The following SAMSN1 variants were observed in gnomAD, a reference collection of about 807,000 sequenced individuals.
SAMSN1 encodes SAM domain-containing protein SAMSN-1.
A neutral mutation model predicts 42.0 loss-of-function variants in SAMSN1; 31 were observed. The ratio of observed to expected loss-of-function variants is 0.74; its 90% CI spans 0.55 to 1.00. The LOEUF (loss-of-function observed/expected upper bound fraction) is 1.00, where lower values mean the gene tolerates loss of function less well. Ranked by LOEUF, SAMSN1 falls within the 50% of genes least tolerant of loss-of-function variation. The pLI is 0.00. For synonymous variants in SAMSN1, 178 were observed against 151.9 expected, an observed-to-expected ratio of 1.17 and a Z score of -1.26; for missense variants, 464 against 439.4, an observed-to-expected ratio of 1.06 and a Z score of -0.50.
chr21:14,555,035 T>A (rs182149295), intron 2 of SAMSN1, among the ~76,000 whole-genome samples: 1 of 152,268 alleles, frequency 6.6e-6, no homozygotes, highest in East Asian at 1.9e-4. Flanking sequence ...AAATGACAGT[T>A]TCTGGAGTTC....
At chr21:14,536,669 A>G (rs1979642674) in intron 1 of SAMSN1, among the ~76,000 whole-genome samples, 1 of 152,118 alleles carries the variant, frequency 6.6e-6, no homozygotes, top group Non-Finnish European at 1.5e-5. Context: ...ATCCAATGGA[A>G]AATTATATGT....
chr21:14,582,362 A>G, exon 2 of SAMSN1: 17 of 1,549,992 alleles, frequency 1.1e-5, no homozygotes, highest in Non-Finnish European at 1.5e-5. Flanking sequence ...GGATCTACCC[A>G]GTGATGCAGA....
chr21:14,658,530 T>A (rs893783927), intron 1 of SAMSN1, among the ~76,000 whole-genome samples: 1 of 151,952 alleles, frequency 6.6e-6, no homozygotes, highest in African/African-American at 2.4e-5. Context: ...TAATAGTAAT[T>A]GTTGCAGAAC....
upstream of SAMSN1, among the ~76,000 whole-genome samples, chr21:14,546,528 G>C (rs976568699): frequency 2.0e-5 from 3 of 151,798 alleles, no homozygotes; most frequent in Admixed American, 1.3e-4. Flanking sequence ...GCAGTTATGA[G>C]AGCCATAAGG....
intron 5 of SAMSN1, among the ~76,000 whole-genome samples, chr21:14,503,428 C>G (rs980924645): frequency 6.6e-6 from 1 of 152,138 alleles, no homozygotes; most frequent in African/African-American, 2.4e-5. Context: ...CCAGTGAACT[C>G]AGAAGAGAAC....
chr21:14,523,728 G>C (rs9984947), intron 1 of SAMSN1, among the ~76,000 whole-genome samples: 1 of 152,052 alleles, frequency 6.6e-6, no homozygotes, highest in Non-Finnish European at 1.5e-5. Context: ...GTAAGGGTGC[G>C]ATTTCCACAA....
chr21:14,613,104 CT>C (rs1395246054), intron 3 of SAMSN1, among the ~76,000 whole-genome samples: 1 of 152,074 alleles, frequency 6.6e-6, no homozygotes, highest in Non-Finnish European at 1.5e-5. Flanking sequence ...CAATTTGGGT[CT>C]GTAAATTTCT....
rs13433395 is a variant in SAMSN1, at chr21:14,578,293, G to A, written c.261+3843C>T. Among the ~76,000 whole-genome samples, 598 of 152,190 alleles carry A rather than the reference G, an allele frequency of 3.9e-3. 5 individuals carry two copies. The highest frequency in any genetic ancestry group is 0.014 in the African/African-American group (575 of 41,514). ...GGAGTTTACTCAAGCACACTCTGCC[G>A]GCAATGTCGGAGCTGCATTAAATCC... is the stretch of plus-strand genomic sequence containing the variant. On this transcript the variant is annotated intron_variant, in intron 2 of 8. Coordinates refer to the SAMSN1 transcript ENST00000285670.
At position 14,545,765 on chromosome 21, in the gene SAMSN1, A is replaced by G. The variant is rs530767934; in HGVS notation, c.57+440T>C. Among the ~76,000 whole-genome samples the G allele has an allele frequency of 3.9e-5, 6 of 152,358 alleles. No individual in the cohort carries two copies. In the East Asian group the frequency reaches 9.6e-4, roughly 24 times the overall value. On this transcript the variant is annotated intron_variant, in intron 1 of 7. Coordinates refer to ENST00000400566, the MANE Select transcript of SAMSN1 (RefSeq NM_022136.5). ...AATGAGAAAAGTCTTATATTTAACC[A>G]TAACATTTCCATTTTACAACCTTCT...
At chr21:14,584,816 T>C (rs920891854), upstream of SAMSN1, among the ~76,000 whole-genome samples, 1 of 152,240 alleles carries the variant, frequency 6.6e-6, no homozygotes, top group Non-Finnish European at 1.5e-5. Flanking sequence ...TGAGACATAT[T>C]TATAATAATG....
chr21:14,543,471 T>C (rs1051421232), intron 1 of SAMSN1, among the ~76,000 whole-genome samples: 1 of 152,190 alleles, frequency 6.6e-6, no homozygotes, highest in Non-Finnish European at 1.5e-5. Context: ...AATGAATTAT[T>C]TTTGATATAG....
intron 4 of SAMSN1, among the ~76,000 whole-genome samples, chr21:14,610,248 C>T (rs181599638): frequency 1.6e-4 from 24 of 152,242 alleles, no homozygotes; most frequent in Middle Eastern, 3.4e-3. Context: ...GGGAAAAGAA[C>T]GCATTCCCAG....
At chr21:14,534,394 T>A (rs2123108402) in intron 1 of SAMSN1, among the ~76,000 whole-genome samples, 1 of 152,340 alleles carries the variant, frequency 6.6e-6, no homozygotes, top group African/African-American at 2.4e-5. Flanking sequence ...TGATCCTCTG[T>A]TCTTGATGGT....
intron 3 of SAMSN1, among the ~76,000 whole-genome samples, chr21:14,614,652 A>C (rs1380809719): frequency 6.6e-6 from 1 of 152,194 alleles, no homozygotes; most frequent in Admixed American, 6.5e-5. Flanking sequence ...TGCATATATA[A>C]GGTTTCCTTT....
At chr21:14,549,006 A>G (rs2123173177), upstream of SAMSN1, among the ~76,000 whole-genome samples, 1 of 152,342 alleles carries the variant, frequency 6.6e-6, no homozygotes. Flanking sequence ...CTTACATCCC[A>G]GACAGAATGG....
intron 2 of SAMSN1, among the ~76,000 whole-genome samples, chr21:14,641,929 A>G (rs1983608209): frequency 6.6e-6 from 1 of 152,216 alleles, no homozygotes; most frequent in Admixed American, 6.5e-5. Context: ...TACTGATAAC[A>G]TAAATAGTCA....
chr21:14,571,855 A>G (rs971316361), intron 2 of SAMSN1, among the ~76,000 whole-genome samples: 1 of 152,154 alleles, frequency 6.6e-6, no homozygotes, highest in Admixed American at 6.6e-5. Flanking sequence ...CAAGAAGCTA[A>G]AAGTAAACTC....
intron 2 of SAMSN1, among the ~76,000 whole-genome samples, chr21:14,574,712 C>A (rs1445952979): frequency 6.6e-6 from 1 of 152,048 alleles, no homozygotes; most frequent in East Asian, 1.9e-4. Context: ...ATTACATTTT[C>A]TCATTTTATC....
intron 4 of SAMSN1, among the ~76,000 whole-genome samples, chr21:14,609,861 A>G (rs1222736637): frequency 1.3e-5 from 2 of 152,208 alleles, no homozygotes; most frequent in Non-Finnish European, 2.9e-5. Context: ...CAATCTCTGA[A>G]CATAAATTGT....
Sources: allele counts gnomAD v4.1 joint callset (sites outside exome capture counted in the v4.1 genomes callset), GRCh38; gene constraint gnomAD v4.1.1; transcripts MANE v1.5; gene names NCBI Gene and HGNC (gene_info 2026-07-23, HGNC 2026-07-21).